Variants in MACROD1 observed in about 807,000 individuals in gnomAD.
MACROD1 encodes ADP-ribose glycohydrolase MACROD1.
Under a neutral mutation model 41.4 loss-of-function variants are expected in MACROD1, and 31 were observed. The ratio of observed to expected loss-of-function variants is 0.75; its 90% CI spans 0.56 to 1.01. The LOEUF (loss-of-function observed/expected upper bound fraction) is 1.01. Ranked by LOEUF, MACROD1 falls within the 50% of genes least tolerant of loss-of-function variation. The pLI is 0.00. For synonymous variants in MACROD1, 252 were observed against 203.4 expected (o/e 1.24, Z -2.03); for missense variants, 473 against 460.0 (o/e 1.03, Z -0.26).
At chr11:64,132,775 C>T (rs1310678878) in intron 3 of MACROD1, among the ~76,000 whole-genome samples, 1 of 152,196 alleles carries the variant, frequency 6.6e-6, no homozygotes, top group Non-Finnish European at 1.5e-5. Context: ...CGCCCATCTG[C>T]GAGAGGCAAG....
intron 3 of MACROD1, among the ~76,000 whole-genome samples, chr11:64,128,945 AAGG>A (rs1945226846): frequency 6.6e-6 from 1 of 152,234 alleles, no homozygotes; most frequent in African/African-American, 2.4e-5. Context: ...ATGTGAGTAC[AAGG>A]AGGATGATTC....
At chr11:64,156,378 G>A (rs757772986) in intron 1 of MACROD1, among the ~76,000 whole-genome samples, 12 of 152,212 alleles carry the variant, frequency 7.9e-5, no homozygotes, top group South Asian at 2.1e-4. Context: ...ACTCCCAGAC[G>A]GCTGGACCTG....
Position 64,165,923 on chromosome 11 carries a change from CG to C in MACROD1, c.71del (p.Pro24ArgfsTer66). 15 of 1,325,828 alleles carry C rather than the reference CG, an allele frequency of 1.1e-5. No individual in the cohort carries two copies. Among genetic ancestry groups the C allele is most frequent in the Admixed American group, 4.1e-5 (1 of 24,422 alleles). 82.1% of individuals were successfully genotyped at this position (1,325,828 alleles called of 1,614,324 possible). ...LRAAGQLLVP[P>X]RPRPGHLAGA... ...CCGCCAAGTGTCCGGGCCGGGGGCG[CG>C]GGGGGACGAGCAGCTGCCCCGCCGC... On this transcript the variant is annotated frameshift_variant, in exon 1 of 11. Coordinates refer to ENST00000255681, the MANE Select transcript of MACROD1 (RefSeq NM_014067.4). LOFTEE classifies it high-confidence loss of function.
chr11:64,104,383 C>T (rs1441891056), intron 3 of MACROD1, among the ~76,000 whole-genome samples: 1 of 152,050 alleles, frequency 6.6e-6, no homozygotes, highest in African/African-American at 2.4e-5. Context: ...TTCTGCTTGC[C>T]GGCATAAGCA....
intron 3 of MACROD1, among the ~76,000 whole-genome samples, chr11:64,139,442 C>G (rs1400748173): frequency 6.6e-6 from 1 of 152,160 alleles, no homozygotes; most frequent in Non-Finnish European, 1.5e-5. Flanking sequence ...CAGGCATGCT[C>G]GGGCTGCCCC....
Position 64,122,251 on chromosome 11 carries a change from C to G in MACROD1, c.517+28988G>C, listed in dbSNP as rs1945110662. Among the ~76,000 whole-genome samples the G allele has an allele frequency of 6.6e-6, 1 of 152,246 alleles. No homozygotes were observed. The highest frequency in any genetic ancestry group is 2.4e-5 in the African/African-American group (1 of 41,464). ...ACAGCCTCCATCTTCTCTAAATAGG[C>G]TGGGGCTTGCTCCACGCTAACATGG... is the stretch of plus-strand genomic sequence containing the variant. On this transcript the variant is annotated intron_variant, in intron 3 of 10. Coordinates refer to ENST00000255681, the MANE Select transcript of MACROD1 (RefSeq NM_014067.4). This position sits in a 1 kb window ranked among gnomAD's most constrained non-coding sequence, Gnocchi z 4.0.
intron 3 of MACROD1, among the ~76,000 whole-genome samples, chr11:64,050,032 G>T (rs1374710123): frequency 6.6e-6 from 1 of 152,194 alleles, no homozygotes; most frequent in East Asian, 1.9e-4. Flanking sequence ...ATAAGAAATG[G>T]CCTGGTAAAG....
intron 5 of MACROD1, 90 bp downstream of exon 5, chr11:64,000,137 G>A: frequency 2.9e-6 from 3 of 1,046,104 alleles, no homozygotes; most frequent in Admixed American, 2.3e-5. Context: ...GAGTTCCCCA[G>A]CACTCCTGTG....
intron 3 of MACROD1, among the ~76,000 whole-genome samples, chr11:64,016,373 A>G (rs1266079088): frequency 6.6e-6 from 1 of 152,256 alleles, no homozygotes; most frequent in Non-Finnish European, 1.5e-5. Context: ...GATGCTGCCC[A>G]GGTGGGAGGC....
rs929334311 is a variant in MACROD1 at position 64,024,522 on chromosome 11, C to G, written c.518-9241G>C. Among the ~76,000 whole-genome samples, 4 of 152,332 alleles carry G rather than the reference C, an allele frequency of 2.6e-5. No homozygotes were observed. In the South Asian group the frequency reaches 8.3e-4, roughly 32 times the overall value. ...GACTGAGCTGCTGCACTGCAGGACC[C>G]CCAGCTGCTGCCTGGGCCTCCCCTC... On this transcript the variant is annotated intron_variant, in intron 3 of 10. Coordinates refer to ENST00000255681, the MANE Select transcript of MACROD1 (RefSeq NM_014067.4).
chr11:64,069,252 C>T (rs537541730), intron 3 of MACROD1, among the ~76,000 whole-genome samples: 2 of 152,328 alleles, frequency 1.3e-5, no homozygotes, highest in African/African-American at 4.8e-5. Context: ...GCAGTTCTAC[C>T]TGACACCGGA....
intron 3 of MACROD1, among the ~76,000 whole-genome samples, chr11:64,140,860 C>G (rs1945403001): frequency 6.6e-6 from 1 of 152,210 alleles, no homozygotes; most frequent in Non-Finnish European, 1.5e-5. Flanking sequence ...TATGGCCAGG[C>G]ACAGTGGCTC....
At chr11:64,129,375 C>T (rs1945232724) in intron 3 of MACROD1, among the ~76,000 whole-genome samples, 1 of 152,244 alleles carries the variant, frequency 6.6e-6, no homozygotes, top group East Asian at 1.9e-4. Context: ...GGTGGGACGA[C>T]ACAGGTAATG....
intron 1 of MACROD1, among the ~76,000 whole-genome samples, chr11:64,161,272 C>T (rs574094749): frequency 3.7e-4 from 57 of 152,282 alleles, no homozygotes; most frequent in African/African-American, 1.3e-3. Flanking sequence ...GAACCATTGC[C>T]ACATCCAATA....
At chr11:64,039,077 G>A (rs979652933) in intron 3 of MACROD1, among the ~76,000 whole-genome samples, 1 of 152,184 alleles carries the variant, frequency 6.6e-6, no homozygotes, top group African/African-American at 2.4e-5. Flanking sequence ...GGACTGAGGT[G>A]GCCCTCATCC....
chr11:64,035,965 C>T, intron 3 of MACROD1: 1 of 147,764 alleles, frequency 6.8e-6, no homozygotes, highest in South Asian at 1.9e-4. Context: ...GCGCCCGAGC[C>T]GGGCAGATGC....
chr11:64,084,472 A>C (rs1303413739), intron 3 of MACROD1, among the ~76,000 whole-genome samples: 5 of 152,194 alleles, frequency 3.3e-5, no homozygotes, highest in Non-Finnish European at 7.3e-5. Flanking sequence ...GCAAAGAGGC[A>C]GCGAGGGTGG....
At chr11:64,112,369 C>G (rs1444660575) in intron 3 of MACROD1, among the ~76,000 whole-genome samples, 3 of 152,060 alleles carry the variant, frequency 2.0e-5, no homozygotes, top group African/African-American at 7.2e-5. Flanking sequence ...AAAAAATTAG[C>G]TGGGCATGGT....
chr11:64,135,476 G>T (rs1451831494), intron 3 of MACROD1, among the ~76,000 whole-genome samples: 1 of 152,198 alleles, frequency 6.6e-6, no homozygotes, highest in Non-Finnish European at 1.5e-5. Flanking sequence ...CTTGCCGCTT[G>T]CCCTCGGCCA....
Sources: gnomAD v4.1 joint callset for allele counts (sites outside exome capture counted in the v4.1 genomes callset) on GRCh38, gnomAD v4.1.1 for gene constraint, Gnocchi (gnomAD v3.1) non-coding constraint, MANE v1.5 for transcripts, NCBI Gene and HGNC (gene_info 2026-07-23, HGNC 2026-07-21) for gene names.